Variants in TENM4 observed in about 807,000 individuals in gnomAD.
TENM4 encodes teneurin transmembrane protein 4.
TENM4 carries 82 observed loss-of-function variants against 243.3 expected under a neutral mutation model. The observed-to-expected ratio is 0.34, with a 90% CI of 0.28 to 0.40. The LOEUF is 0.40. TENM4 is among the 10% of genes least tolerant of loss of function. TENM4 has a pLI of 1.00. For missense variants in TENM4, 3,138 were observed against 3,673.3 expected (o/e 0.85, Z 3.77); for synonymous variants, 1,412 against 1,456.3 (o/e 0.97, Z 0.69).
chr11:78,868,719 T>C (rs940473736), intron 9 of TENM4, among the ~76,000 whole-genome samples: 4 of 152,192 alleles, frequency 2.6e-5, no homozygotes, highest in African/African-American at 9.6e-5. Context: ...GTTTCTGCTG[T>C]CACGATGCAC....
intron 1 of TENM4, among the ~76,000 whole-genome samples, chr11:79,318,209 G>A (rs144653382): frequency 4.6e-5 from 7 of 151,940 alleles, no homozygotes; most frequent in African/African-American, 7.2e-5. Flanking sequence ...AGGGCCTACC[G>A]TGTTCCCCAC....
At chr11:79,309,542 A>G (rs969124146) in intron 1 of TENM4, among the ~76,000 whole-genome samples, 2 of 152,214 alleles carry the variant, frequency 1.3e-5, no homozygotes, top group Non-Finnish European at 2.9e-5. Flanking sequence ...ATCAAGGTAA[A>G]CAGAGACATT....
chr11:78,705,781 C>T (rs1300219909), intron 27 of TENM4, among the ~76,000 whole-genome samples: 1 of 152,188 alleles, frequency 6.6e-6, no homozygotes, highest in Admixed American at 6.5e-5. Flanking sequence ...CTTCCTATTC[C>T]AGTTCCACAA....
intron 11 of TENM4, among the ~76,000 whole-genome samples, chr11:78,854,516 C>T (rs898912570): frequency 1.3e-5 from 2 of 152,192 alleles, no homozygotes; most frequent in Admixed American, 1.3e-4. Context: ...TCTCCCGGTT[C>T]TCCTGTGAGT....
chr11:79,084,481 C>G (rs186089080), intron 4 of TENM4, among the ~76,000 whole-genome samples: 1 of 152,312 alleles, frequency 6.6e-6, no homozygotes, highest in African/African-American at 2.4e-5. Context: ...TATCCTTCAA[C>G]AGGTAAGCAG....
intron 12 of TENM4, 86 bp downstream of exon 12, chr11:78,854,018 T>C (rs1271237109): frequency 2.3e-6 from 3 of 1,320,910 alleles, no homozygotes; most frequent in Non-Finnish European, 3.1e-6. Context: ...GACATCCCCT[T>C]GTCAGTGTCA....
chr11:78,949,720 T>C (rs553493809), intron 6 of TENM4, among the ~76,000 whole-genome samples: 9 of 152,108 alleles, frequency 5.9e-5, no homozygotes, highest in African/African-American at 2.2e-4. Flanking sequence ...CCAGGTGAAG[T>C]TGGAACTGAA....
chr11:79,179,201 C>A (rs1165012395), intron 3 of TENM4, among the ~76,000 whole-genome samples: 1 of 152,230 alleles, frequency 6.6e-6, no homozygotes, highest in Non-Finnish European at 1.5e-5. Flanking sequence ...ACAACGTTTG[C>A]AAGAGCTGCT....
chr11:78,719,565 T>C (rs1228257811), intron 25 of TENM4, among the ~76,000 whole-genome samples: 1 of 152,206 alleles, frequency 6.6e-6, no homozygotes, highest in East Asian at 1.9e-4. Flanking sequence ...CATGCCACTT[T>C]GATCTGAGCT....
intron 6 of TENM4, 186 bp downstream of exon 6, chr11:79,064,552 G>T: frequency 2.7e-6 from 2 of 743,482 alleles, no homozygotes; most frequent in Non-Finnish European, 4.3e-6. Flanking sequence ...CCAATCTCTG[G>T]CATGTCACTC....
At chr11:78,822,374 C>A (rs1857752024) in intron 12 of TENM4, among the ~76,000 whole-genome samples, 2 of 152,226 alleles carry the variant, frequency 1.3e-5, no homozygotes, top group Non-Finnish European at 2.9e-5. Flanking sequence ...AGAATCCACT[C>A]TAGCTCAGGA....
chr11:78,835,655 C>T (rs540400258), intron 12 of TENM4, among the ~76,000 whole-genome samples: 18 of 152,298 alleles, frequency 1.2e-4, no homozygotes, highest in African/African-American at 3.6e-4. Context: ...TGTTTTAAAC[C>T]GATCCCCCCT....
At chr11:79,289,203 G>T (rs1391619207) in intron 2 of TENM4, among the ~76,000 whole-genome samples, 1 of 152,144 alleles carries the variant, frequency 6.6e-6, no homozygotes, top group African/African-American at 2.4e-5. Context: ...CCAAAGTATT[G>T]TGTTTGAAAA....
rs575147341 is a variant in TENM4, at chr11:79,094,750, C to A, written c.-65-24741G>T. Among the ~76,000 whole-genome samples the A allele has an allele frequency of 1.2e-4, 19 of 152,306 alleles. 1 individual carries two copies. In the East Asian group the frequency reaches 3.7e-3, roughly 30 times the overall value. ...AGGCCTCCGTAAATCAGGCCCCAGTCACCCCTGGAGACTCCAGACCAGTGG... is the reference window on the plus strand; with the variant it reads ...AGGCCTCCGTAAATCAGGCCCCAGTAACCCCTGGAGACTCCAGACCAGTGG... On this transcript the variant is annotated intron_variant, in intron 4 of 33. Transcript: ENST00000278550.
rs199706633 is a variant in TENM4 at position 79,085,392 on chromosome 11, GGGT to G, written c.-65-15386_-65-15384del. Among the ~76,000 whole-genome samples the G allele has an allele frequency of 1.5e-4, 20 of 135,208 alleles. No individual in the cohort carries two copies. The South Asian group carries it at 1.5e-3, about 10-fold the overall frequency. The allele number at this position is 135,208 out of a possible 152,430, so 88.7% of individuals were successfully genotyped here. On this transcript the variant is annotated intron_variant, in intron 4 of 33. Coordinates refer to ENST00000278550, the MANE Select transcript of TENM4 (RefSeq NM_001098816.3). The stretch of plus-strand genomic sequence containing the variant: ...ACTCTGTCTCAAAAAAAAAAAAGGG[GGGT>G]TTTTTTTTTGGGTCAGGCTTTTTTG...
chr11:79,074,616 C>T (rs747368531), intron 4 of TENM4, among the ~76,000 whole-genome samples: 5 of 152,224 alleles, frequency 3.3e-5, no homozygotes, highest in Admixed American at 6.5e-5. Context: ...CCATTTCAGT[C>T]ATGCAGAACT....
chr11:79,396,444 G>A (rs1329313237), intron 1 of TENM4, among the ~76,000 whole-genome samples: 1 of 152,192 alleles, frequency 6.6e-6, no homozygotes, highest in Non-Finnish European at 1.5e-5. Context: ...TCAGGGTTCA[G>A]TCCCTCCTAA....
chr11:79,089,278 T>C (rs1368722220), intron 4 of TENM4, among the ~76,000 whole-genome samples: 1 of 152,214 alleles, frequency 6.6e-6, no homozygotes, highest in South Asian at 2.1e-4. Context: ...GCTAGATGGC[T>C]GGAAACTGGC....
At chr11:78,985,727 G>T (rs1565155349) in intron 6 of TENM4, among the ~76,000 whole-genome samples, 1 of 151,754 alleles carries the variant, frequency 6.6e-6, no homozygotes, top group Non-Finnish European at 1.5e-5. Context: ...TTTGTTTTTT[G>T]TTCTTTTTAA....
Sources: allele counts gnomAD v4.1 joint callset (sites outside exome capture counted in the v4.1 genomes callset), GRCh38; gene constraint gnomAD v4.1.1; transcripts MANE v1.5; gene names NCBI Gene and HGNC (gene_info 2026-07-23, HGNC 2026-07-21).